PLOD2: variants seen among roughly 807,000 people sequenced by gnomAD.
The protein encoded by PLOD2 is lysine hydroxylase 2.
In PLOD2, 65 loss-of-function variants were observed where a neutral mutation model predicts 101.0. The ratio of observed to expected loss-of-function variants is 0.64; its 90% CI spans 0.53 to 0.79. PLOD2 has a LOEUF of 0.79. PLOD2 is among the 30% of genes least tolerant of loss of function. The pLI is 0.00. For missense variants in PLOD2, 909 were observed against 914.6 expected, an observed-to-expected ratio of 0.99 and a Z score of 0.08; for synonymous variants, 314 against 302.9, an observed-to-expected ratio of 1.04 and a Z score of -0.38.
At chr3:146,112,051 G>T (rs1937658403) in intron 3 of PLOD2, among the ~76,000 whole-genome samples, 1 of 152,134 alleles carries the variant, frequency 6.6e-6, no homozygotes, top group South Asian at 2.1e-4. Context: ...ACTAAACTGA[G>T]TCTGAAATTT....
intron 1 of PLOD2, among the ~76,000 whole-genome samples, chr3:146,159,004 T>C (rs535396739): frequency 4.8e-4 from 73 of 152,328 alleles, no homozygotes; most frequent in Middle Eastern, 3.4e-3. Flanking sequence ...AAGAATAAAA[T>C]AGACCACAGT....
Position 146,091,862 on chromosome 3 carries a change from A to C in PLOD2, c.817T>G (p.Trp273Gly). The C allele has an allele frequency of 6.2e-7, 1 of 1,606,772 alleles. No individual in the cohort carries two copies. The highest frequency in any genetic ancestry group is 1.7e-5 in the Admixed American group (1 of 59,972). The change falls in exon 8 of 20, where the codon TGG (tryptophan) becomes GGG (glycine). Residue 273 changes from tryptophan to glycine, a missense_variant. By Grantham distance (184) the Trp-to-Gly change is radical (BLOSUM62 -2). Coordinates refer to ENST00000282903, the MANE Select transcript of PLOD2 (RefSeq NM_182943.3). ...AGAGTGCAGCCATTATCCTGTGTCC[A>C]TGAATTGGGTACATAGTTTCCAAAA... Reference protein sequence around the residue: ...NYFGNYVPNSWTQDNGCTLCE... With the variant: ...NYFGNYVPNSGTQDNGCTLCE...
chr3:146,111,202 C>A (rs1937626097), intron 3 of PLOD2, among the ~76,000 whole-genome samples: 1 of 152,108 alleles, frequency 6.6e-6, no homozygotes, highest in African/African-American at 2.4e-5. Flanking sequence ...GCAATAAGTT[C>A]TTTATTCATT....
chr3:146,086,696 T>G, intron 10 of PLOD2, 91 bp downstream of exon 10: 3 of 914,242 alleles, frequency 3.3e-6, no homozygotes, highest in East Asian at 2.9e-5. Context: ...ACACCCAAAT[T>G]TGGCATAACA....
chr3:146,091,675 A>G (rs1936972035), intron 8 of PLOD2, 125 bp downstream of exon 8: 2 of 668,558 alleles, frequency 3.0e-6, no homozygotes, highest in African/African-American at 1.8e-5. Context: ...TTTTAACACT[A>G]TATCCCCATT....
intron 1 of PLOD2, among the ~76,000 whole-genome samples, chr3:146,138,944 A>G (rs1254865181): frequency 1.3e-5 from 2 of 152,132 alleles, no homozygotes; most frequent in African/African-American, 4.8e-5. Flanking sequence ...GAACCGAGAA[A>G]GACTAGCTCC....
intron 5 of PLOD2, among the ~76,000 whole-genome samples, chr3:146,106,115 A>G (rs1252331342): frequency 6.6e-6 from 1 of 152,188 alleles, no homozygotes; most frequent in Non-Finnish European, 1.5e-5. Flanking sequence ...TGATAATGTA[A>G]CCTATTCTGT....
chr3:146,158,996 G>A (rs1392005149), intron 1 of PLOD2, among the ~76,000 whole-genome samples: 2 of 152,128 alleles, frequency 1.3e-5, no homozygotes, highest in Non-Finnish European at 2.9e-5. Context: ...AACTTGTAAA[G>A]AATAAAATAG....
intron 4 of PLOD2, among the ~76,000 whole-genome samples, chr3:146,109,574 A>T (rs1043491297): frequency 6.6e-6 from 1 of 152,166 alleles, no homozygotes; most frequent in Non-Finnish European, 1.5e-5. Flanking sequence ...ATTTGTACCC[A>T]ATTTGTTTCT....
chr3:146,078,005 A>T, intron 13 of PLOD2, 81 bp from the exon 14 acceptor site: 1 of 825,246 alleles, frequency 1.2e-6, no homozygotes, highest in Non-Finnish European at 2.2e-6. Flanking sequence ...AAATAATAGC[A>T]GCTGTTGATC....
At chr3:146,086,589 A>C (rs1936778096) in intron 10 of PLOD2, 198 bp downstream of exon 10, 2 of 343,598 alleles carry the variant, frequency 5.8e-6, no homozygotes. Context: ...CATTAAAAGA[A>C]AAACATAAGT....
In PLOD2 at chr3:146,124,183, G is replaced by T; in HGVS notation, c.156C>A (p.Phe52Leu). Reference protein sequence around the residue: ...ITVATKESDGFHRFMQSAKYF... With the variant: ...ITVATKESDGLHRFMQSAKYF... Reference sequence around the variant, plus strand: ...ATTTGGCTGACTGCATAAATCGATGGAATCCATCACTTTCTTTTGTTGCTA... The same window carrying T: ...ATTTGGCTGACTGCATAAATCGATGTAATCCATCACTTTCTTTTGTTGCTA... The change falls in exon 2 of 20, where the codon TTC becomes TTA. Residue 52 changes from phenylalanine to leucine, a missense_variant. Coordinates refer to ENST00000282903, the MANE Select transcript of PLOD2 (RefSeq NM_182943.3). The T allele has an allele frequency of 6.3e-7, 1 of 1,598,134 alleles. No homozygotes were observed. Among genetic ancestry groups the T allele is most frequent in the Non-Finnish European group, 8.6e-7 (1 of 1,166,340 alleles).
chr3:146,096,669 G>T (rs1157359748), intron 7 of PLOD2, among the ~76,000 whole-genome samples: 4 of 132,132 alleles, frequency 3.0e-5, no homozygotes, highest in South Asian at 5.3e-4. Context: ...TCTGAGAAGT[G>T]AGGAGCCCCT....
intron 5 of PLOD2, chr3:146,104,860 T>G (rs1224552768): frequency 6.4e-6 from 1 of 155,368 alleles, no homozygotes; most frequent in East Asian, 1.9e-4. Context: ...CTTTGGGTAT[T>G]ATGAGTGGGC....
intron 1 of PLOD2, among the ~76,000 whole-genome samples, chr3:146,139,706 A>C (rs2031426620): frequency 6.6e-6 from 1 of 152,172 alleles, no homozygotes; most frequent in African/African-American, 2.4e-5. Flanking sequence ...TTTGTAAAAT[A>C]AAATCAAGCC....
chr3:146,111,878 A>G (rs1937648981), intron 3 of PLOD2, among the ~76,000 whole-genome samples: 1 of 152,094 alleles, frequency 6.6e-6, no homozygotes, highest in Non-Finnish European at 1.5e-5. Flanking sequence ...CTGGGAAATA[A>G]GACCAGTTTT....
At chr3:146,110,156 T>C in intron 4 of PLOD2, 129 bp downstream of exon 4, 1 of 780,840 alleles carries the variant, frequency 1.3e-6, no homozygotes, top group Admixed American at 2.2e-5. Context: ...GAAAATGCTT[T>C]GTCAATATAC....
chr3:146,070,803 G>A lies in PLOD2; in HGVS notation c.2191C>T (p.His731Tyr). ...TGCAAATGTGTGAGTCTCCCAGGAT[G>A]CATGAAGCTCCAGCCTTTTCGTGGT... Reference protein sequence around the residue: ...ESPRKGWSFMHPGRLTHLHEG... With the variant: ...ESPRKGWSFMYPGRLTHLHEG... Residue 731 changes from histidine to tyrosine, a missense_variant, in exon 20 of 20, where the codon CAT (histidine) becomes TAT (tyrosine). Physicochemically the swap from His to Tyr is moderately conservative, Grantham distance 83. Coordinates refer to ENST00000282903, the MANE Select transcript of PLOD2 (RefSeq NM_182943.3). The A allele has an allele frequency of 3.1e-6, 5 of 1,608,758 alleles. No individual in the cohort carries two copies. The highest frequency in any genetic ancestry group is 3.4e-6 in the Non-Finnish European group (4 of 1,175,920).
At chr3:146,077,224 AGT>A (rs1936379186) in intron 14 of PLOD2, 1 of 990,066 alleles carries the variant, frequency 1.0e-6, no homozygotes, top group Non-Finnish European at 1.2e-6. Context: ...TTTGAGACAC[AGT>A]GCAATGAATT....
Sources: gnomAD v4.1 joint callset for allele counts (sites outside exome capture counted in the v4.1 genomes callset) on GRCh38, gnomAD v4.1.1 for gene constraint, MANE v1.5 for transcripts, NCBI Gene and HGNC (gene_info 2026-07-23, HGNC 2026-07-21) for gene names.